Variants in CP observed in about 807,000 individuals in gnomAD.
CP encodes ceruloplasmin.
In CP, 64 loss-of-function variants were observed where a neutral mutation model predicts 122.4. The ratio of observed to expected loss-of-function variants is 0.52; its 90% CI spans 0.43 to 0.64. The LOEUF (loss-of-function observed/expected upper bound fraction) is 0.64, where lower values mean the gene tolerates loss of function less well. Ranked by LOEUF, CP falls within the 30% of genes least tolerant of loss-of-function variation. CP has a pLI of 0.00. For synonymous variants in CP, 440 were observed against 436.4 expected (o/e 1.01, Z -0.10); for missense variants, 1,167 against 1,284.4 (o/e 0.91, Z 1.40).
At chr3:149,183,419 C>T (rs756734188) in intron 13 of CP, 47 bp downstream of exon 13, 50 of 1,585,666 alleles carry the variant, frequency 3.2e-5, no homozygotes, top group Non-Finnish European at 4.2e-5. Context: ...CTGCAGGTAG[C>T]ATCACATCAT....
At chr3:149,217,153 C>T (rs1395974082) in intron 1 of CP, among the ~76,000 whole-genome samples, 2 of 152,042 alleles carry the variant, frequency 1.3e-5, no homozygotes, top group Non-Finnish European at 2.9e-5. Flanking sequence ...CCTGCCTTGG[C>T]CTCCCAAAGT....
chr3:149,167,509 T>C (rs1052849534), downstream of CP, among the ~76,000 whole-genome samples: 3 of 152,214 alleles, frequency 2.0e-5, no homozygotes, highest in African/African-American at 4.8e-5. Context: ...GAACAGTGTA[T>C]GATGGGAAAA....
chr3:149,179,119 T>C (rs1333058770), intron 15 of CP, among the ~76,000 whole-genome samples: 1 of 152,184 alleles, frequency 6.6e-6, no homozygotes, highest in Non-Finnish European at 1.5e-5. Flanking sequence ...CACCCACCTA[T>C]CTATAACCGA....
At chr3:149,203,497 C>A (rs1023391652) in intron 6 of CP, among the ~76,000 whole-genome samples, 2 of 152,158 alleles carry the variant, frequency 1.3e-5, no homozygotes, top group Non-Finnish European at 1.5e-5. Context: ...CTCCTGGCCT[C>A]AAGTGATCCA....
At chr3:149,186,331 C>G in intron 11 of CP, 189 bp downstream of exon 11, 1 of 633,488 alleles carries the variant, frequency 1.6e-6, no homozygotes. Context: ...TCCTCAGTAA[C>G]TAGGAAACAG....
In CP at chr3:149,206,204, T is replaced by TCGAG; in HGVS notation, c.1171_1172insCTCG (p.Asp391AlafsTer6). On this transcript the variant is annotated frameshift_variant, in exon 6 of 19. Transcript: ENST00000264613. LOFTEE classifies it high-confidence loss of function. ...TGTTAAGTTTTCTTTAGTGAAGATG[T>TCGAG]CTATACCAGAGGGAGCATAGTTCCA... 6.2e-7 allele frequency: 1 copy of TCGAG among 1,613,998 alleles called. No individual in the cohort carries two copies. Among genetic ancestry groups the TCGAG allele is most frequent in the Non-Finnish European group, 8.5e-7 (1 of 1,179,878 alleles).
At chr3:149,179,049 T>C (rs960253508) in intron 15 of CP, among the ~76,000 whole-genome samples, 3 of 152,240 alleles carry the variant, frequency 2.0e-5, no homozygotes, top group African/African-American at 7.2e-5. Flanking sequence ...TTTACTCATT[T>C]GTTTGAGCCA....
At chr3:149,218,388 C>T (rs1728597483) in intron 1 of CP, among the ~76,000 whole-genome samples, 1 of 152,110 alleles carries the variant, frequency 6.6e-6, no homozygotes, top group African/African-American at 2.4e-5. Flanking sequence ...ACAGATAAGG[C>T]ACTGACCCAA....
rs1246628192 is a variant in CP, at chr3:149,186,601, G to A, written c.1996C>T (p.Leu666=). 1.9e-6 allele frequency: 3 copies of A among 1,614,076 alleles called. No homozygotes were observed. The highest frequency in any genetic ancestry group is 1.3e-5 in the African/African-American group (1 of 74,910). The stretch of plus-strand genomic sequence containing the variant: ...GTGTCTCTCCGTTCTCCTCTCCACA[G>A]ATATGTGTTTCCTGAAAAGTATATT... ...HGIYFSGNTY[L]WRGERRDTAN... Residue 666 remains leucine (L), a synonymous_variant, in exon 11 of 19, where the codon CTG becomes TTG. Coordinates refer to ENST00000264613, the MANE Select transcript of CP (RefSeq NM_000096.4).
downstream of CP, chr3:149,167,782 C>CA (rs567397509): frequency 1.2e-4 from 91 of 740,204 alleles, no homozygotes; most frequent in Non-Finnish European, 2.0e-4. Flanking sequence ...CTGCCTTAGA[C>CA]AAAATGATGT....
In CP at chr3:149,203,158, C is replaced by T. The variant is rs564915096; in HGVS notation, c.1209-917G>A. On this transcript the variant is annotated intron_variant, in intron 6 of 18. Coordinates refer to ENST00000264613, the MANE Select transcript of CP (RefSeq NM_000096.4). ...CCTGACCTCAGTGATCCGCCCGTCT[C>T]GGCTTTGCAAAGTACTGAGATTACA... 2.6e-5 allele frequency among the ~76,000 whole-genome samples: 4 copies of T among 152,286 alleles called. No homozygotes were observed. In the East Asian group the frequency reaches 5.8e-4, roughly 22 times the overall value.
chr3:149,166,128 A>C lies in CP; in HGVS notation c.587-78T>G, dbSNP rs1053963605. 1.5e-5 allele frequency: 6 copies of C among 405,510 alleles called. No homozygotes were observed. In the Admixed American group the frequency reaches 1.5e-4, roughly 10 times the overall value. The allele number at this position is 405,510 out of a possible 1,614,324, so 25.1% of individuals were successfully genotyped here. On this transcript the variant is annotated intron_variant, in intron 4 of 5. Transcript: ENST00000479771. Reference sequence around the variant, plus strand: ...TTTATCCTGGAGAAAGGGAAAGTGGAGATTATTTTGGTGGTAGAATCAAAA... The same window carrying C: ...TTTATCCTGGAGAAAGGGAAAGTGGCGATTATTTTGGTGGTAGAATCAAAA...
intron 1 of CP, among the ~76,000 whole-genome samples, chr3:149,216,544 T>G (rs1447713918): frequency 6.6e-6 from 1 of 152,194 alleles, no homozygotes; most frequent in East Asian, 1.9e-4. Context: ...TCACAGGTTC[T>G]GGAGATTTAG....
At chr3:149,206,500 T>C (rs1727736995) in intron 5 of CP, among the ~76,000 whole-genome samples, 161 bp from the exon 6 acceptor site, 1 of 152,226 alleles carries the variant, frequency 6.6e-6, no homozygotes, top group Non-Finnish European at 1.5e-5. Flanking sequence ...AAATTAATGA[T>C]GGAAAACTCA....
At chr3:149,189,093 T>C (rs1278999188) in intron 9 of CP, among the ~76,000 whole-genome samples, 8 of 152,118 alleles carry the variant, frequency 5.3e-5, no homozygotes, top group Admixed American at 4.6e-4. Flanking sequence ...AAAGAAGTTA[T>C]AAAAGGAAGA....
rs938230597 is a variant in CP, at chr3:149,184,161, A to T, written c.2286-556T>A. Among the ~76,000 whole-genome samples the T allele has an allele frequency of 1.5e-4, 22 of 147,172 alleles. No homozygotes were observed. In the South Asian group the frequency reaches 3.3e-3, roughly 22 times the overall value. ...CGCCATTCTCCTGCTTCAGCCTCCG[A>T]GTAGCTGGGACTACAAGCGCCCGCC... On this transcript the variant is annotated intron_variant, in intron 12 of 18. Transcript: ENST00000264613.
chr3:149,171,982 G>C (rs112203201), downstream of CP: 4 of 983,840 alleles, frequency 4.1e-6, no homozygotes, highest in African/African-American at 3.2e-5. Context: ...TGGGATTACA[G>C]GCGTGAGCCA....
intron 9 of CP, among the ~76,000 whole-genome samples, chr3:149,194,927 T>C (rs906867023): frequency 6.6e-6 from 1 of 152,130 alleles, no homozygotes; most frequent in Admixed American, 6.5e-5. Context: ...TAAAGGGCTC[T>C]CCTAATAAAG....
chr3:149,171,861 T>C (rs1725022101), downstream of CP, among the ~76,000 whole-genome samples: 2 of 152,000 alleles, frequency 1.3e-5, no homozygotes, highest in African/African-American at 4.8e-5. Context: ...TGCGCCACCA[T>C]GCCCGGCTAA....
Sources: gnomAD v4.1 joint callset for allele counts (sites outside exome capture counted in the v4.1 genomes callset) on GRCh38, gnomAD v4.1.1 for gene constraint, MANE v1.5 for transcripts, NCBI Gene and HGNC (gene_info 2026-07-23, HGNC 2026-07-21) for gene names.